The following AHCTF1 variants were observed in gnomAD, a reference collection of about 807,000 sequenced individuals.
AHCTF1 encodes protein ELYS.
A neutral mutation model predicts 248.4 loss-of-function variants in AHCTF1; 24 were observed. The ratio of observed to expected loss-of-function variants is 0.10; its 90% confidence interval spans 0.07 to 0.14. The LOEUF (loss-of-function observed/expected upper bound fraction) is 0.14. Among genes scored for constraint, AHCTF1 ranks in the 10% least tolerant of loss-of-function variants. The pLI, the probability that AHCTF1 is intolerant of heterozygous loss-of-function variation, is 1.00. For synonymous variants in AHCTF1, 786 were observed against 929.8 expected, an observed-to-expected ratio of 0.85 and a Z score of 2.81; for missense variants, 2,206 against 2,636.2, an observed-to-expected ratio of 0.84 and a Z score of 3.57.
chr1:246,916,053 A>T, intron 3 of AHCTF1, 89 bp downstream of exon 3: 5 of 1,420,174 alleles, frequency 3.5e-6, no homozygotes, highest in Non-Finnish European at 4.8e-6. Flanking sequence ...GTTGCGGGTC[A>T]GTGAAATTTC....
intron 4 of AHCTF1, among the ~76,000 whole-genome samples, chr1:246,911,191 C>T (rs1187559725): frequency 6.6e-6 from 1 of 152,130 alleles, no homozygotes; most frequent in Non-Finnish European, 1.5e-5. Context: ...TGTTTTAACG[C>T]CACCATATTG....
chr1:246,860,818 C>T (rs1429585338), intron 29 of AHCTF1, 81 bp downstream of exon 29: 2 of 1,528,122 alleles, frequency 1.3e-6, no homozygotes, highest in Non-Finnish European at 1.8e-6. Context: ...GGATGCTTTT[C>T]TTATGGTGGA....
chr1:246,895,779 T>C (rs1664531888), intron 13 of AHCTF1, 56 bp downstream of exon 13: 2 of 1,363,810 alleles, frequency 1.5e-6, no homozygotes, highest in Non-Finnish European at 2.0e-6. Context: ...ATATAACAAA[T>C]AGCAAGTTGA....
intron 2 of AHCTF1, among the ~76,000 whole-genome samples, chr1:246,918,008 G>T (rs1485256573): frequency 6.6e-6 from 1 of 151,934 alleles, no homozygotes; most frequent in Non-Finnish European, 1.5e-5. Context: ...ATAATACTAA[G>T]ATACAAAACA....
chr1:246,915,332 C>CA (rs927509381), intron 3 of AHCTF1, among the ~76,000 whole-genome samples: 100 of 145,600 alleles, frequency 6.9e-4, no homozygotes, highest in Non-Finnish European at 7.3e-4. Flanking sequence ...GTCTCAAAAA[C>CA]AAAAAAAAAA....
Position 246,840,023 on chromosome 1 carries a change from T to TATCA in AHCTF1, c.*779_*782dup, listed in dbSNP as rs1233486255. 3.9e-5 allele frequency: 6 copies of TATCA among 152,564 alleles called. No individual in the cohort carries two copies. The East Asian group carries it at 1.2e-3, about 29-fold the overall frequency. The allele number at this position is 152,564 out of a possible 1,614,324, so 9.5% of individuals were successfully genotyped here. ...AAAAATTTGTTCAGACATCTCATCC[T>TATCA]ATCAATATTAGGCACATACAAGATG... On this transcript the variant is annotated 3_prime_UTR_variant, in exon 36 of 36. Transcript: ENST00000648844.
chr1:246,868,103 C>T (rs1662147929), intron 24 of AHCTF1, among the ~76,000 whole-genome samples: 1 of 151,254 alleles, frequency 6.6e-6, no homozygotes, highest in Non-Finnish European at 1.5e-5. Context: ...GATGGGATTA[C>T]AGGCATGGCC....
intron 24 of AHCTF1, among the ~76,000 whole-genome samples, chr1:246,869,076 C>G (rs1394713101): frequency 6.6e-6 from 1 of 151,222 alleles, no homozygotes; most frequent in Non-Finnish European, 1.5e-5. Context: ...GATCTCCTGA[C>G]CTCGTGATCC....
intron 33 of AHCTF1, among the ~76,000 whole-genome samples, chr1:246,845,816 A>C (rs892413955): frequency 5.3e-5 from 8 of 152,122 alleles, no homozygotes; most frequent in African/African-American, 1.9e-4. Context: ...ATTCAAAGAG[A>C]GCTCTGATTT....
At chr1:246,903,653 C>G (rs898680526) in intron 7 of AHCTF1, among the ~76,000 whole-genome samples, 2 of 92,616 alleles carry the variant, frequency 2.2e-5, no homozygotes, top group Non-Finnish European at 4.3e-5. Flanking sequence ...GATGGTGAGA[C>G]CCCCCCCCCT....
In AHCTF1 at chr1:246,847,509, T is replaced by C. The variant is rs114666220; in HGVS notation, c.6391+2106A>G. ...TTCAGTAAGTAGGCATGTATTGTTT[T>C]TGTTTTGAGACGTGGTCTTGCTCTG... On this transcript the variant is annotated intron_variant, in intron 33 of 35. Transcript: ENST00000648844. 7.0e-3 allele frequency among the ~76,000 whole-genome samples: 1,069 copies of C among 152,294 alleles called. 5 individuals are homozygous for C. The highest frequency in any genetic ancestry group is 0.01 in the Non-Finnish European group (700 of 68,020).
chr1:246,892,851 G>A (rs1321957386), intron 14 of AHCTF1, among the ~76,000 whole-genome samples: 1 of 151,534 alleles, frequency 6.6e-6, no homozygotes, highest in East Asian at 1.9e-4. Context: ...TTGCTATATT[G>A]CTCAGGCTGG....
At chr1:246,872,896 G>A (rs1011868924) in intron 24 of AHCTF1, among the ~76,000 whole-genome samples, 1 of 152,184 alleles carries the variant, frequency 6.6e-6, no homozygotes, top group African/African-American at 2.4e-5. Flanking sequence ...CTGAGGTTAA[G>A]CTTCACCCAT....
Position 246,853,266 on chromosome 1 carries a change from G to T in AHCTF1, c.4388C>A (p.Ser1463Tyr). ...MADVLGDGGN[S>Y]SLTISEGPIV... ...AGGACCTTCAGAGATAGTGAGCGAG[G>T]AGTTTCCACCATCACCAAGGACATC... Residue 1463 changes from serine (S) to tyrosine (Y), a missense_variant, in exon 32 of 36, where the codon TCC becomes TAC. By Grantham distance (144) the Ser-to-Tyr change is moderately radical. Around this residue, in one of 6 missense-constraint regions of AHCTF1, gnomAD observed 955 missense variants for 1,055.6 expected, o/e 0.90. Coordinates refer to ENST00000648844, the MANE Select transcript of AHCTF1 (RefSeq NM_001323342.2). 6.2e-7 allele frequency: 1 copy of T among 1,613,660 alleles called. No individual in the cohort carries two copies. Among genetic ancestry groups the T allele is most frequent in the Non-Finnish European group, 8.5e-7 (1 of 1,179,812 alleles).
chr1:246,879,743 G>A (rs773819879), intron 21 of AHCTF1, among the ~76,000 whole-genome samples: 10 of 151,790 alleles, frequency 6.6e-5, no homozygotes, highest in Admixed American at 2.0e-4. Flanking sequence ...CAGGAAAATC[G>A]GCTTGAACCC....
chr1:246,910,597 C>T (rs553307622), intron 4 of AHCTF1, among the ~76,000 whole-genome samples: 174 of 152,288 alleles, frequency 1.1e-3, no homozygotes, highest in African/African-American at 3.9e-3. Context: ...TTGTATTCTT[C>T]TAACTATCTG....
At chr1:246,911,255 A>G (rs937656858) in intron 4 of AHCTF1, among the ~76,000 whole-genome samples, 2 of 152,188 alleles carry the variant, frequency 1.3e-5, no homozygotes, top group African/African-American at 4.8e-5. Flanking sequence ...CCTTACACCT[A>G]TAACCACAAA....
At chr1:246,853,934 A>G (rs1660907716) in intron 31 of AHCTF1, among the ~76,000 whole-genome samples, 1 of 152,212 alleles carries the variant, frequency 6.6e-6, no homozygotes, top group South Asian at 2.1e-4. Context: ...AGGACGACGA[A>G]AAACCACTTT....
At chr1:246,913,138 T>C in intron 4 of AHCTF1, 94 bp downstream of exon 4, 1 of 1,045,170 alleles carries the variant, frequency 9.6e-7, no homozygotes. Context: ...TTTATTTTAC[T>C]CCAGCTGCTA....
Sources: allele counts gnomAD v4.1 joint callset (sites outside exome capture counted in the v4.1 genomes callset), GRCh38; gene constraint gnomAD v4.1.1; regional missense constraint gnomAD v4.1.1; transcripts MANE v1.5; gene names NCBI Gene and HGNC (gene_info 2026-07-23, HGNC 2026-07-21).